Variants in TTC17 observed in about 807,000 individuals in gnomAD.
TTC17 encodes tetratricopeptide repeat domain 17.
TTC17 carries 58 observed loss-of-function variants against 143.8 expected under a neutral mutation model. That is an observed-to-expected ratio of 0.40 (90% confidence interval 0.33 to 0.50). The LOEUF (loss-of-function observed/expected upper bound fraction) is 0.50, where lower values mean the gene tolerates loss of function less well. Ranked by LOEUF, TTC17 falls within the 20% of genes least tolerant of loss-of-function variation. TTC17 has a pLI of 0.49. For missense variants in TTC17, 1,273 were observed against 1,392.5 expected (o/e 0.91, Z 1.37); for synonymous variants, 501 against 497.8 (o/e 1.01, Z -0.09).
At chr11:43,405,094 CTTTTTTTT>C (rs528720022) in intron 11 of TTC17, among the ~76,000 whole-genome samples, 2 of 132,494 alleles carry the variant, frequency 1.5e-5, no homozygotes, top group Admixed American at 1.5e-4. Context: ...TCTTCTTTTT[CTTTTTTTT>C]TTTTTTTTTC....
chr11:43,443,448 G>A lies in TTC17; in HGVS notation c.2375G>A (p.Gly792Glu), dbSNP rs182645502. ...FQQAWPLEGFGGALEMKGRRL... is the reference protein window; with the variant it reads ...FQQAWPLEGFEGALEMKGRRL... Reference sequence around the variant, plus strand: ...CAGGCATGGCCTTTGGAAGGCTTTGGGGGTGCACTAGAGATGAAAGGGCGG... The same window carrying A: ...CAGGCATGGCCTTTGGAAGGCTTTGAGGGTGCACTAGAGATGAAAGGGCGG... Residue 792 changes from glycine (G) to glutamate (E), a missense_variant, in exon 17 of 24, where the codon GGG becomes GAG. Physicochemically the swap from Gly to Glu is moderately conservative, Grantham distance 98. This residue lies in a region of TTC17 where 878 missense variants were observed against 899.8 expected (regional missense o/e 0.98). Transcript: ENST00000039989. The A allele has an allele frequency of 8.1e-6, 13 of 1,614,148 alleles. No individual in the cohort carries two copies. The East Asian group carries it at 1.1e-4, about 14-fold the overall frequency.
In TTC17 at chr11:43,418,531, G is replaced by A. The variant is rs1455508676; in HGVS notation, c.2251+3755G>A. Among the ~76,000 whole-genome samples, 4 of 152,224 alleles carry A rather than the reference G, an allele frequency of 2.6e-5. No individual in the cohort carries two copies. The East Asian group carries it at 5.8e-4, about 22-fold the overall frequency. On this transcript the variant is annotated intron_variant, in intron 16 of 23. Coordinates refer to ENST00000039989, the MANE Select transcript of TTC17 (RefSeq NM_018259.6). ...CTTAAGCAGAACTGAATTGGTTACT[G>A]TAGCAAACTTATTCTTCAATAACAG...
At chr11:43,395,207 TCTC>T (rs1226704396) in intron 5 of TTC17, among the ~76,000 whole-genome samples, 2 of 151,716 alleles carry the variant, frequency 1.3e-5, no homozygotes, top group East Asian at 3.9e-4. Context: ...TTCACGCTAT[TCTC>T]CTGCCTCAGC....
At chr11:43,360,110 C>G (rs756526621) in intron 1 of TTC17, among the ~76,000 whole-genome samples, 1 of 152,136 alleles carries the variant, frequency 6.6e-6, no homozygotes, top group African/African-American at 2.4e-5. Flanking sequence ...AATTACTGGT[C>G]CTTTGGATTG....
chr11:43,441,620 T>C (rs992901942), intron 16 of TTC17, among the ~76,000 whole-genome samples: 3 of 152,192 alleles, frequency 2.0e-5, no homozygotes, highest in African/African-American at 7.2e-5. Flanking sequence ...AATCTACTTA[T>C]TCTTCACCTG....
rs765044548 is a variant in TTC17, at chr11:43,493,800, T to C, written c.3322T>C (p.Tyr1108His). ...MEEFEKALVW[Y>H]ESTLKLQPEF... Reference sequence around the variant, plus strand: ...AGAATTTGAAAAAGCACTGGTGTGGTATGAATCCACATTGAAGCTTCAGCC... The same window carrying C: ...AGAATTTGAAAAAGCACTGGTGTGGCATGAATCCACATTGAAGCTTCAGCC... Residue 1108 changes from tyrosine (Y) to histidine (H), a missense_variant, in exon 24 of 24, where the codon TAT becomes CAT. This residue lies in a region of TTC17 where 878 missense variants were observed against 899.8 expected (regional missense o/e 0.98). Coordinates refer to ENST00000039989, the MANE Select transcript of TTC17 (RefSeq NM_018259.6). 3 of 1,614,114 alleles carry C rather than the reference T, an allele frequency of 1.9e-6. No homozygotes were observed. Among genetic ancestry groups the C allele is most frequent in the Non-Finnish European group, 2.5e-6 (3 of 1,179,986 alleles).
At position 43,409,544 on chromosome 11, in the gene TTC17, C is replaced by T. The variant is rs149550545; in HGVS notation, c.2064+1967C>T. Among the ~76,000 whole-genome samples the T allele has an allele frequency of 7.5e-3, 1,142 of 152,284 alleles. 14 individuals carry two copies. Among genetic ancestry groups the T allele is most frequent in the African/African-American group, 0.026 (1,078 of 41,550 alleles). ...GCCAGGCACAATACTAAGCATCTTACATGTAGTAACTAATTTAATCCTCAT... is the reference window on the plus strand; with the variant it reads ...GCCAGGCACAATACTAAGCATCTTATATGTAGTAACTAATTTAATCCTCAT... On this transcript the variant is annotated intron_variant, in intron 15 of 23. Coordinates refer to ENST00000039989, the MANE Select transcript of TTC17 (RefSeq NM_018259.6).
At chr11:43,381,460 G>A (rs1856966096) in intron 2 of TTC17, among the ~76,000 whole-genome samples, 2 of 152,122 alleles carry the variant, frequency 1.3e-5, no homozygotes, top group African/African-American at 4.8e-5. Flanking sequence ...CAAGATGTAG[G>A]AACAGAACGA....
intron 18 of TTC17, among the ~76,000 whole-genome samples, chr11:43,447,067 C>G (rs1185971066): frequency 6.6e-5 from 10 of 152,084 alleles, no homozygotes. Context: ...CATCTGTAAT[C>G]CCAGCACTTT....
intron 2 of TTC17, among the ~76,000 whole-genome samples, chr11:43,386,752 A>G (rs555305006): frequency 1.1e-4 from 16 of 152,208 alleles, no homozygotes; most frequent in Non-Finnish European, 1.8e-4. Flanking sequence ...ATAAATTTCT[A>G]TAGATTAATT....
intron 2 of TTC17, among the ~76,000 whole-genome samples, chr11:43,384,430 C>T (rs1415315624): frequency 6.6e-6 from 1 of 152,090 alleles, no homozygotes; most frequent in Admixed American, 6.5e-5. Context: ...TCGAGGCGGG[C>T]AGATTGCTTG....
At chr11:43,439,346 A>T (rs915352376) in intron 16 of TTC17, among the ~76,000 whole-genome samples, 1 of 152,020 alleles carries the variant, frequency 6.6e-6, no homozygotes, top group African/African-American at 2.4e-5. Context: ...TCTGCTTTGG[A>T]TATCTCTTAA....
In TTC17 at chr11:43,419,927, G is replaced by A. The variant is rs1233030929; in HGVS notation, c.2251+5151G>A. Among the ~76,000 whole-genome samples the A allele has an allele frequency of 3.3e-5, 5 of 152,162 alleles. No individual in the cohort carries two copies. In the South Asian group the frequency reaches 8.3e-4, roughly 25 times the overall value. On this transcript the variant is annotated intron_variant, in intron 16 of 23. Transcript: ENST00000039989. ...ATTTCTGTAAAAAGAATTAAAACTG[G>A]TTGATGTATTGCAGATTTTAAAATC... is the stretch of plus-strand genomic sequence containing the variant.
rs570969624 is a variant in TTC17 at position 43,488,672 on chromosome 11, G to T, written c.3031-1567G>T. Reference sequence around the variant, plus strand: ...TAAAAAATGAAATTATAAAAATTCTGTAGGGGAAATGGTGAAATATTTATT... The same window carrying T: ...TAAAAAATGAAATTATAAAAATTCTTTAGGGGAAATGGTGAAATATTTATT... On this transcript the variant is annotated intron_variant, in intron 21 of 23. Coordinates refer to ENST00000039989, the MANE Select transcript of TTC17 (RefSeq NM_018259.6). Among the ~76,000 whole-genome samples, 7 of 152,122 alleles carry T rather than the reference G, an allele frequency of 4.6e-5. No homozygotes were observed. The South Asian group carries it at 1.0e-3, about 23-fold the overall frequency.
At chr11:43,489,521 T>C (rs550298339) in intron 21 of TTC17, among the ~76,000 whole-genome samples, 1 of 152,246 alleles carries the variant, frequency 6.6e-6, no homozygotes, top group East Asian at 1.9e-4. Flanking sequence ...GCAGATCACC[T>C]GAGGTCATGA....
intron 16 of TTC17, among the ~76,000 whole-genome samples, chr11:43,438,912 G>A (rs1947352359): frequency 6.6e-6 from 1 of 152,182 alleles, no homozygotes; most frequent in African/African-American, 2.4e-5. Context: ...CTCCAGGTAT[G>A]ATGATCCCAG....
intron 16 of TTC17, among the ~76,000 whole-genome samples, chr11:43,416,043 A>C (rs948267158): frequency 6.6e-6 from 1 of 152,162 alleles, no homozygotes; most frequent in Admixed American, 6.5e-5. Flanking sequence ...TTCTTACCAT[A>C]TAGTAGATAC....
chr11:43,435,239 C>G (rs991544952), intron 16 of TTC17: 3 of 152,132 alleles, frequency 2.0e-5, no homozygotes, highest in African/African-American at 7.2e-5. Context: ...AAGAATTGTC[C>G]TCTAACAGGA....
At chr11:43,475,332 G>A (rs1948165986) in intron 21 of TTC17, among the ~76,000 whole-genome samples, 1 of 152,048 alleles carries the variant, frequency 6.6e-6, no homozygotes. Flanking sequence ...GGTGACTTGG[G>A]TGCTGTTAAA....
Sources: gnomAD v4.1 joint callset for allele counts (sites outside exome capture counted in the v4.1 genomes callset) on GRCh38, gnomAD v4.1.1 for gene constraint, gnomAD v4.1.1 regional missense constraint, MANE v1.5 for transcripts, NCBI Gene and HGNC (gene_info 2026-07-23, HGNC 2026-07-21) for gene names.